Variants in SRGAP2 observed in about 807,000 individuals in gnomAD.
SRGAP2 encodes SLIT-ROBO Rho GTPase-activating protein 2.
Under a neutral mutation model 57.2 loss-of-function variants are expected in SRGAP2, and 15 were observed. That is an observed-to-expected ratio of 0.26 (90% CI 0.18 to 0.40). The LOEUF is 0.40. Ranked by LOEUF, SRGAP2 falls within the 10% of genes least tolerant of loss-of-function variation. The pLI is 1.00. For synonymous variants in SRGAP2, 249 were observed against 248.0 expected (o/e 1.00, Z -0.04); for missense variants, 520 against 669.6 (o/e 0.78, Z 2.47).
chr1:206,244,359 G>C (rs1668415026), intron 2 of SRGAP2, among the ~76,000 whole-genome samples: 1 of 90,166 alleles, frequency 1.1e-5, no homozygotes, highest in Non-Finnish European at 2.2e-5. Flanking sequence ...TGCCTCCCAG[G>C]TTCAAGTGAT....
At chr1:206,427,778 CA>C (rs1339704309) in intron 13 of SRGAP2, among the ~76,000 whole-genome samples, 1 of 152,192 alleles carries the variant, frequency 6.6e-6, no homozygotes. Context: ...TTCTTCCACA[CA>C]GCTGAATTAT....
At chr1:206,453,139 C>G (rs1257548756) in intron 19 of SRGAP2, 61 bp from the exon 20 acceptor site, 1 of 455,038 alleles carries the variant, frequency 2.2e-6, no homozygotes, top group African/African-American at 2.0e-5. Context: ...GCTTTTCCAC[C>G]CAGTTTCCTG....
At chr1:206,237,392 C>T (rs1571641366) in intron 2 of SRGAP2, among the ~76,000 whole-genome samples, 1 of 152,142 alleles carries the variant, frequency 6.6e-6, no homozygotes, top group East Asian at 1.9e-4. Flanking sequence ...GTTCAGTTGA[C>T]TTTCTTTCAT....
At chr1:206,342,304 C>T (rs1431584727) in intron 3 of SRGAP2, among the ~76,000 whole-genome samples, 3 of 152,192 alleles carry the variant, frequency 2.0e-5, no homozygotes, top group Admixed American at 1.3e-4. Context: ...ACTTTGGTTT[C>T]TAACCCTAGA....
At chr1:206,289,630 A>G (rs1319691737) in intron 2 of SRGAP2, among the ~76,000 whole-genome samples, 11 of 148,210 alleles carry the variant, frequency 7.4e-5, no homozygotes, top group East Asian at 2.0e-4. Flanking sequence ...TTAACCACTA[A>G]TAAGTTTCAT....
At chr1:206,314,061 T>A (rs1672868327) in intron 3 of SRGAP2, among the ~76,000 whole-genome samples, 1 of 151,636 alleles carries the variant, frequency 6.6e-6, no homozygotes, top group Admixed American at 6.6e-5. Flanking sequence ...GATAAATTAA[T>A]GGTATCTTTA....
intron 13 of SRGAP2, among the ~76,000 whole-genome samples, chr1:206,428,420 CAAA>C (rs71152470): frequency 1.2e-4 from 7 of 60,078 alleles, no homozygotes; most frequent in Non-Finnish European, 1.1e-4. Flanking sequence ...GACTCTGTCT[CAAA>C]AAAAAAAAAA....
chr1:206,415,851 G>C (rs782743573), intron 10 of SRGAP2, 38 bp from the exon 11 acceptor site: 1 of 760,170 alleles, frequency 1.3e-6, no homozygotes. Flanking sequence ...TTCTTCTTCA[G>C]GAGTCTGATT....
intron 22 of SRGAP2, among the ~76,000 whole-genome samples, chr1:206,459,294 C>T (rs540420743): frequency 2.0e-5 from 3 of 152,058 alleles, no homozygotes; most frequent in East Asian, 3.8e-4. Flanking sequence ...TGAAACTGCC[C>T]GACTGTTGAG....
Position 206,443,945 on chromosome 1 carries a change from G to A in SRGAP2, c.1875-2130G>A, listed in dbSNP as rs184753838. Among the ~76,000 whole-genome samples, 218 of 152,194 alleles carry A rather than the reference G, an allele frequency of 1.4e-3. 1 individual carries two copies. The highest frequency in any genetic ancestry group is 5.0e-3 in the African/African-American group (207 of 41,544). On this transcript the variant is annotated intron_variant, in intron 17 of 22. Transcript: ENST00000573034. ...TAGCTCACACCTGTAATCCCAGCAC[G>A]TTGGGTGGCCAAGGCGGGTGGATCA...
chr1:206,266,400 C>T (rs560206230), intron 2 of SRGAP2, among the ~76,000 whole-genome samples: 10 of 152,262 alleles, frequency 6.6e-5, no homozygotes, highest in Non-Finnish European at 1.2e-4. Context: ...TGTGCCACCA[C>T]GCCCGGCTAA....
intron 20 of SRGAP2, 104 bp downstream of exon 20, chr1:206,453,484 G>T: frequency 4.3e-6 from 2 of 468,692 alleles, no homozygotes; most frequent in Non-Finnish European, 7.8e-6. Context: ...CAACCCCTGG[G>T]GGGTCCAGTG....
chr1:206,230,272 T>C (rs1553306632), intron 2 of SRGAP2, among the ~76,000 whole-genome samples: 2 of 148,138 alleles, frequency 1.4e-5, no homozygotes, highest in Non-Finnish European at 3.0e-5. Context: ...GTTGGTATTA[T>C]AGGTATCTAG....
chr1:206,292,344 A>C (rs1271284797), intron 2 of SRGAP2, among the ~76,000 whole-genome samples: 6 of 152,184 alleles, frequency 3.9e-5, no homozygotes, highest in African/African-American at 1.4e-4. Flanking sequence ...CAGGAGAGAA[A>C]GCCTGGGTGG....
intron 3 of SRGAP2, among the ~76,000 whole-genome samples, chr1:206,321,833 C>CA (rs1485440296): frequency 6.6e-6 from 1 of 152,204 alleles, no homozygotes; most frequent in Non-Finnish European, 1.5e-5. Context: ...CTTTATGGCA[C>CA]AACAAGATGT....
At chr1:206,220,038 CCTT>C (rs1379959715) in intron 2 of SRGAP2, among the ~76,000 whole-genome samples, 1 of 137,090 alleles carries the variant, frequency 7.3e-6, no homozygotes, top group Non-Finnish European at 1.6e-5. Flanking sequence ...AAGTTTCTAA[CCTT>C]CTCTTGCGTT....
At chr1:206,365,394 G>A (rs1387630750) in intron 4 of SRGAP2, among the ~76,000 whole-genome samples, 4 of 152,168 alleles carry the variant, frequency 2.6e-5, no homozygotes, top group Admixed American at 6.5e-5. Flanking sequence ...TTTTTCTGCC[G>A]CTGCTGATGT....
Position 206,446,284 on chromosome 1 carries a change from G to T in SRGAP2, c.2084G>T (p.Ser695Ile). 1.3e-6 allele frequency: 1 copy of T among 780,896 alleles called. No individual in the cohort carries two copies. Among genetic ancestry groups the T allele is most frequent in the Non-Finnish European group, 2.4e-6 (1 of 417,998 alleles). The allele number at this position is 780,896 out of a possible 1,614,324, so 48.4% of individuals were successfully genotyped here. ...GGCCCTGTCTACAGCAGAGGAGGAAGCATGGAGGATTACTGGTAGGGGGGC... is the reference window on the plus strand; with the variant it reads ...GGCCCTGTCTACAGCAGAGGAGGAATCATGGAGGATTACTGGTAGGGGGGC... ...LEGPVYSRGG[S>I]MEDYCDSPHG... The change falls in exon 18 of 23, where the codon AGC becomes ATC. Residue 695 changes from serine to isoleucine, a missense_variant. Coordinates refer to ENST00000573034, the MANE Select transcript of SRGAP2 (RefSeq NM_015326.5).
intron 10 of SRGAP2, among the ~76,000 whole-genome samples, chr1:206,414,390 C>T (rs1553360700): frequency 6.6e-6 from 1 of 152,116 alleles, no homozygotes; most frequent in Non-Finnish European, 1.5e-5. Context: ...TCCATGAAAT[C>T]AAAGGTTTGA....
Sources: gnomAD v4.1 joint callset for allele counts (sites outside exome capture counted in the v4.1 genomes callset) on GRCh38, gnomAD v4.1.1 for gene constraint, MANE v1.5 for transcripts, NCBI Gene and HGNC (gene_info 2026-07-23, HGNC 2026-07-21) for gene names.